FREM2: variants seen among roughly 807,000 people sequenced by gnomAD.
FREM2 encodes the protein FRAS1-related extracellular matrix protein 2.
Under a neutral mutation model 219.9 loss-of-function variants are expected in FREM2, and 119 were observed. The ratio of observed to expected loss-of-function variants is 0.54; its 90% CI spans 0.47 to 0.63. The LOEUF (loss-of-function observed/expected upper bound fraction) is 0.63, where lower values mean the gene tolerates loss of function less well. FREM2 is among the 30% of genes least tolerant of loss of function. The pLI is 0.00. For synonymous variants in FREM2, 1,562 were observed against 1,522.8 expected, an observed-to-expected ratio of 1.03 and a Z score of -0.60; for missense variants, 4,030 against 3,993.6, an observed-to-expected ratio of 1.01 and a Z score of -0.25.
At chr13:38,768,528 C>T (rs1017215469) in intron 3 of FREM2, among the ~76,000 whole-genome samples, 15 of 152,130 alleles carry the variant, frequency 9.9e-5, no homozygotes, top group African/African-American at 2.7e-4. Context: ...CCACCCACCT[C>T]GCCCTTCCAA....
intron 4 of FREM2, chr13:38,779,472 C>G (rs1450082104): frequency 1.3e-5 from 2 of 151,972 alleles, no homozygotes; most frequent in East Asian, 3.9e-4. Context: ...AGCACGGCCC[C>G]TGTGCAAGGA....
intron 2 of FREM2, among the ~76,000 whole-genome samples, chr13:38,738,972 C>A (rs1872119941): frequency 6.6e-6 from 1 of 152,144 alleles, no homozygotes. Context: ...AACTAACTTT[C>A]CTAATGCCTA....
intron 4 of FREM2, among the ~76,000 whole-genome samples, chr13:38,774,402 GA>G (rs1696614706): frequency 1.3e-5 from 2 of 152,082 alleles, no homozygotes; most frequent in South Asian, 4.1e-4. Flanking sequence ...ACTAACCCTT[GA>G]AGTTAATCAT....
chr13:38,766,280 T>C (rs1873431321), intron 3 of FREM2, among the ~76,000 whole-genome samples: 1 of 152,190 alleles, frequency 6.6e-6, no homozygotes, highest in African/African-American at 2.4e-5. Context: ...TTTGTTGTTA[T>C]TTTTTTCAAT....
At chr13:38,772,288 A>G (rs535166071) in intron 4 of FREM2, among the ~76,000 whole-genome samples, 1 of 152,194 alleles carries the variant, frequency 6.6e-6, no homozygotes, top group Non-Finnish European at 1.5e-5. Flanking sequence ...GCTGTCAAAG[A>G]CCACAGGGGA....
chr13:38,883,373 T>C lies in FREM2; in HGVS notation c.*2586T>C, dbSNP rs1329503155. On this transcript the variant is annotated 3_prime_UTR_variant, in exon 24 of 24. Coordinates refer to ENST00000280481, the MANE Select transcript of FREM2 (RefSeq NM_207361.6). Reference sequence around the variant, plus strand: ...TGTTTTTAGAGAACTATTCTGGTACTATCAGAACAAATACATAAAATAACT... The same window carrying C: ...TGTTTTTAGAGAACTATTCTGGTACCATCAGAACAAATACATAAAATAACT... 2 of 152,168 alleles carry C rather than the reference T, an allele frequency of 1.3e-5. No homozygotes were observed. The highest frequency in any genetic ancestry group is 1.5e-5 in the Non-Finnish European group (1 of 68,030). 9.4% of individuals were successfully genotyped at this position (152,168 alleles called of 1,614,324 possible).
Position 38,742,504 on chromosome 13 carries a change from G to A in FREM2, c.5264-21800G>A, listed in dbSNP as rs145958555. ...CTTAGGTACAAATCAGGTTGTAGCT[G>A]GGTTTTTCCCAATGATGATTTCAAA... On this transcript the variant is annotated intron_variant, in intron 2 of 23. Transcript: ENST00000280481. Among the ~76,000 whole-genome samples, 441 of 152,244 alleles carry A rather than the reference G, an allele frequency of 2.9e-3. 2 individuals are homozygous for A. The highest frequency in any genetic ancestry group is 3.2e-3 in the Non-Finnish European group (218 of 68,024).
chr13:38,742,021 T>C (rs546507449), intron 2 of FREM2, among the ~76,000 whole-genome samples: 2 of 152,294 alleles, frequency 1.3e-5, no homozygotes, highest in East Asian at 3.9e-4. Context: ...TTTTGAGTTA[T>C]TGAACTAAAA....
At chr13:38,700,565 T>C (rs1870304546) in intron 2 of FREM2, among the ~76,000 whole-genome samples, 1 of 152,080 alleles carries the variant, frequency 6.6e-6, no homozygotes, top group South Asian at 2.1e-4. Context: ...TTGTTTCTTA[T>C]GCGATTTTAC....
chr13:38,812,580 T>C (rs577045914), intron 6 of FREM2, among the ~76,000 whole-genome samples: 76 of 152,124 alleles, frequency 5.0e-4, no homozygotes, highest in Non-Finnish European at 8.7e-4. Flanking sequence ...ACAAGAAAAC[T>C]AAGAAAAACT....
At chr13:38,876,193 A>G in intron 19 of FREM2, 44 bp downstream of exon 19, 1 of 1,614,042 alleles carries the variant, frequency 6.2e-7, no homozygotes, top group South Asian at 1.1e-5. Flanking sequence ...TGCTGCTGCC[A>G]TCTGATTACA....
At chr13:38,841,822 C>T (rs1876975117) in intron 6 of FREM2, among the ~76,000 whole-genome samples, 1 of 152,078 alleles carries the variant, frequency 6.6e-6, no homozygotes, top group Non-Finnish European at 1.5e-5. Context: ...ATTCATTCTA[C>T]AAATATTGAT....
chr13:38,806,906 C>T (rs1315644112), intron 6 of FREM2, among the ~76,000 whole-genome samples: 1 of 151,616 alleles, frequency 6.6e-6, no homozygotes, highest in Non-Finnish European at 1.5e-5. Context: ...ACAATGTTTA[C>T]ACCATCTTCA....
Position 38,783,109 on chromosome 13 carries a change from A to G in FREM2, c.5681A>G (p.Glu1894Gly), listed in dbSNP as rs749039144. 6 of 1,613,934 alleles carry G rather than the reference A, an allele frequency of 3.7e-6. No homozygotes were observed. The highest frequency in any genetic ancestry group is 5.1e-6 in the Non-Finnish European group (6 of 1,179,914). The change falls in exon 5 of 24, where the codon GAA (glutamate) becomes GGA (glycine). Residue 1894 changes from glutamate to glycine, a missense_variant. By Grantham distance (98) the Glu-to-Gly change is moderately conservative. Around this residue, in one of 2 missense-constraint regions of FREM2, gnomAD observed 3,102 missense variants for 2,950.7 expected, o/e 1.05. Transcript: ENST00000280481. ...ATTCCCCAGTCCAAATACTCCGTTG[A>G]AGAAGATGTTGGTGAGCTGTTCATT... ...VFIPQSKYSV[E>G]EDVGELFIPI...
At chr13:38,741,055 C>A (rs530111816) in intron 2 of FREM2, among the ~76,000 whole-genome samples, 2 of 152,276 alleles carry the variant, frequency 1.3e-5, no homozygotes, top group South Asian at 4.2e-4. Context: ...GATTTTAAAT[C>A]CTTACCCTAT....
At chr13:38,694,970 A>C (rs1870045546) in intron 1 of FREM2, among the ~76,000 whole-genome samples, 1 of 152,206 alleles carries the variant, frequency 6.6e-6, no homozygotes. Flanking sequence ...TGGCTGCCTG[A>C]TATGTTAATG....
Position 38,885,216 on chromosome 13 carries a change from G to A in FREM2, c.*4429G>A, listed in dbSNP as rs1034115760. On this transcript the variant is annotated 3_prime_UTR_variant, in exon 24 of 24. Transcript: ENST00000280481. ...GAGTACATCAGAAACTTCTCCATAA[G>A]GAAAGAAAACTGACTCTCTCTTGAA... The A allele has an allele frequency of 2.0e-5, 3 of 152,046 alleles. No homozygotes were observed. Among genetic ancestry groups the A allele is most frequent in the Non-Finnish European group, 4.4e-5 (3 of 67,972 alleles). 9.4% of individuals were successfully genotyped at this position (152,046 alleles called of 1,614,324 possible).
At chr13:38,717,680 G>T (rs1301803918) in intron 2 of FREM2, among the ~76,000 whole-genome samples, 1 of 152,072 alleles carries the variant, frequency 6.6e-6, no homozygotes, top group Non-Finnish European at 1.5e-5. Flanking sequence ...GCCTCCCAAA[G>T]TGCTGGGATT....
In FREM2 at chr13:38,764,386, G is replaced by T. The variant is rs542748951; in HGVS notation, c.5346G>T (p.Glu1782Asp). ...SFEKEYYLVN[E>D]DSKFLDVVLK... The stretch of plus-strand genomic sequence containing the variant: ...AAAAGGAATATTACCTGGTCAATGA[G>T]GACTCCAAATTTCTAGATGTTGTTC... The change falls in exon 3 of 24, where the codon GAG (glutamate) becomes GAT (aspartate). Residue 1782 changes from glutamate to aspartate, a missense_variant. Glu to Asp is a conservative substitution (Grantham distance 45, BLOSUM62 2). This residue lies in a region of FREM2 where 3,102 missense variants were observed against 2,950.7 expected (regional missense o/e 1.05). Coordinates refer to ENST00000280481, the MANE Select transcript of FREM2 (RefSeq NM_207361.6). 2 of 1,603,730 alleles carry T rather than the reference G, an allele frequency of 1.2e-6. No individual in the cohort carries two copies. The highest frequency in any genetic ancestry group is 1.6e-4 in the Middle Eastern group (1 of 6,064).
Sources: gnomAD v4.1 joint callset for allele counts (sites outside exome capture counted in the v4.1 genomes callset) on GRCh38, gnomAD v4.1.1 for gene constraint, gnomAD v4.1.1 regional missense constraint, MANE v1.5 for transcripts, NCBI Gene and HGNC (gene_info 2026-07-23, HGNC 2026-07-21) for gene names.